The following CLVS1 variants were observed in gnomAD, a reference collection of about 807,000 sequenced individuals.
CLVS1 encodes the protein clavesin 1.
Under a neutral mutation model 33.1 loss-of-function variants are expected in CLVS1, and 10 were observed. The observed-to-expected ratio is 0.30, with a 90% CI of 0.19 to 0.51. CLVS1 has a LOEUF of 0.51. CLVS1 is among the 20% of genes least tolerant of loss of function. The probability of loss-of-function intolerance (pLI) is 0.97; values close to 1 mark genes in which losing one functional copy is unlikely to be tolerated. For synonymous variants in CLVS1, 163 were observed against 166.1 expected (o/e 0.98, Z 0.14); for missense variants, 343 against 433.4 (o/e 0.79, Z 1.85).
intron 2 of CLVS1, among the ~76,000 whole-genome samples, chr8:61,327,483 A>G (rs2129596883): frequency 6.6e-6 from 1 of 152,314 alleles, no homozygotes; most frequent in South Asian, 2.1e-4. Context: ...ACGTCTACAT[A>G]TTATCTACTT....
intron 1 of CLVS1, among the ~76,000 whole-genome samples, chr8:61,109,325 A>T (rs1377326055): frequency 6.6e-6 from 1 of 152,166 alleles, no homozygotes; most frequent in Non-Finnish European, 1.5e-5. Context: ...GTTGGAGCAG[A>T]TGGTGTTGAG....
chr8:61,030,637 G>C, the CLVS1 span, among the ~76,000 whole-genome samples: 5 of 152,180 alleles, frequency 3.3e-5, no homozygotes, highest in African/African-American at 9.7e-5. Context: ...AGTTTGTGCC[G>C]AGAAGGTGGC....
the CLVS1 span, among the ~76,000 whole-genome samples, chr8:61,047,971 C>A: frequency 6.6e-6 from 1 of 152,056 alleles, no homozygotes; most frequent in Non-Finnish European, 1.5e-5. Context: ...ATTCATCATC[C>A]ATTAATGACA....
rs533784613 is a variant in CLVS1 at position 61,439,636 on chromosome 8, A to G, written c.631-14505A>G. Reference sequence around the variant, plus strand: ...CAATTGAGATTATCTTAGTTTCTTCATACTAAAGGATTTCCTACCAGGAAT... The same window carrying G: ...CAATTGAGATTATCTTAGTTTCTTCGTACTAAAGGATTTCCTACCAGGAAT... On this transcript the variant is annotated intron_variant, in intron 3 of 5. Transcript: ENST00000325897. Among the ~76,000 whole-genome samples, 22 of 152,342 alleles carry G rather than the reference A, an allele frequency of 1.4e-4. No individual in the cohort carries two copies. The South Asian group carries it at 2.1e-3, about 14-fold the overall frequency.
chr8:61,199,191 G>T lies in CLVS1; in HGVS notation c.-152+67331G>T, dbSNP rs149287576. ...CTAAGAAAAACTCTTCCAGACATTGGCCTGGGCAAAGGATTTATGACTAAG... is the reference window on the plus strand; with the variant it reads ...CTAAGAAAAACTCTTCCAGACATTGTCCTGGGCAAAGGATTTATGACTAAG... On this transcript the variant is annotated intron_variant, in intron 2 of 2. Transcript: ENST00000522621. Among the ~76,000 whole-genome samples the T allele has an allele frequency of 2.0e-5, 3 of 152,124 alleles. 1 individual carries two copies. In the East Asian group the frequency reaches 5.8e-4, roughly 29 times the overall value.
At chr8:61,275,027 G>C (rs977372788) in intron 2 of CLVS1, among the ~76,000 whole-genome samples, 1 of 152,022 alleles carries the variant, frequency 6.6e-6, no homozygotes, top group Non-Finnish European at 1.5e-5. Context: ...TTGCTCAGAT[G>C]CTGGGAAATT....
chr8:61,350,387 T>G (rs1487068387), intron 2 of CLVS1, among the ~76,000 whole-genome samples: 1 of 152,182 alleles, frequency 6.6e-6, no homozygotes, highest in Non-Finnish European at 1.5e-5. Context: ...AGTGAGCTAT[T>G]TCTCTTACAA....
At chr8:60,987,088 A>G in the CLVS1 span, among the ~76,000 whole-genome samples, 1 of 152,212 alleles carries the variant, frequency 6.6e-6, no homozygotes, top group Non-Finnish European at 1.5e-5. Flanking sequence ...TCTCAGGCAA[A>G]TGACAGTCCA....
intron 2 of CLVS1, among the ~76,000 whole-genome samples, chr8:61,156,577 C>G (rs773431595): frequency 1.3e-5 from 2 of 152,030 alleles, no homozygotes; most frequent in Non-Finnish European, 2.9e-5. Context: ...TGTTTTGTTT[C>G]TTTTTGAGTT....
At chr8:61,337,225 C>G (rs1275589436) in intron 2 of CLVS1, among the ~76,000 whole-genome samples, 1 of 152,146 alleles carries the variant, frequency 6.6e-6, no homozygotes, top group Non-Finnish European at 1.5e-5. Flanking sequence ...TGTTTTAGGG[C>G]AGTCCCAAGC....
the CLVS1 span, among the ~76,000 whole-genome samples, chr8:60,974,322 T>G: frequency 6.6e-6 from 1 of 152,222 alleles, no homozygotes. Flanking sequence ...TGCTCTCATT[T>G]GCCACCCTCC....
the CLVS1 span, among the ~76,000 whole-genome samples, chr8:61,005,105 G>C: frequency 2.6e-5 from 4 of 152,282 alleles, no homozygotes; most frequent in East Asian, 7.7e-4. Context: ...AAAACTGCCC[G>C]ATAGGGGCAT....
chr8:61,126,546 ATAATAT>A (rs1805976396), intron 1 of CLVS1, among the ~76,000 whole-genome samples: 1 of 152,378 alleles, frequency 6.6e-6, no homozygotes, highest in African/African-American at 2.4e-5. Context: ...AATGGAACTG[ATAATAT>A]TAAAGAAGCT....
intron 2 of CLVS1, among the ~76,000 whole-genome samples, chr8:61,246,816 T>A (rs1338924979): frequency 1.3e-5 from 2 of 152,186 alleles, no homozygotes; most frequent in East Asian, 1.9e-4. Flanking sequence ...TTAAAAAAAT[T>A]TATTTTAGGT....
At chr8:61,295,974 A>G (rs1563482326) in intron 1 of CLVS1, among the ~76,000 whole-genome samples, 1 of 152,198 alleles carries the variant, frequency 6.6e-6, no homozygotes, top group Non-Finnish European at 1.5e-5. Context: ...CCACTTCTTC[A>G]TGTTGTACAA....
At position 61,298,746 on chromosome 8, in the gene CLVS1, A is replaced by G. The variant is rs183872513; in HGVS notation, c.-151-931A>G. 3.4e-4 allele frequency among the ~76,000 whole-genome samples: 52 copies of G among 152,344 alleles called. 3 individuals carry two copies. In the East Asian group the frequency reaches 9.8e-3, roughly 29 times the overall value. On this transcript the variant is annotated intron_variant, in intron 1 of 5. Coordinates refer to ENST00000325897, the MANE Select transcript of CLVS1 (RefSeq NM_173519.3). ...AACAGATGTCTGCAAGAGTTTAAGC[A>G]TTTACATTTAAAATAAGATGGAAAC...
rs376370728 is a variant in CLVS1 at position 61,455,025 on chromosome 8, T to C, written c.741+774T>C. On this transcript the variant is annotated intron_variant, in intron 4 of 5. Transcript: ENST00000325897. ...TTTATCTTTACCATTTAGCTCTCTT[T>C]TCTTTTTTTCCCAGTGTTATTAAGG... Among the ~76,000 whole-genome samples the C allele has an allele frequency of 2.0e-5, 3 of 152,218 alleles. No homozygotes were observed. In the East Asian group the frequency reaches 5.8e-4, roughly 29 times the overall value.
At chr8:61,400,244 C>A (rs1814697249) in intron 3 of CLVS1, among the ~76,000 whole-genome samples, 1 of 152,114 alleles carries the variant, frequency 6.6e-6, no homozygotes, top group East Asian at 1.9e-4. Context: ...TGAAGAGGTC[C>A]TTCACTTCCC....
chr8:61,049,111 A>G, the CLVS1 span, among the ~76,000 whole-genome samples: 1 of 152,190 alleles, frequency 6.6e-6, no homozygotes, highest in South Asian at 2.1e-4. Flanking sequence ...CTGAAAGTAA[A>G]CTGTAATGTA....
Sources: gnomAD v4.1 joint callset for allele counts (sites outside exome capture counted in the v4.1 genomes callset) on GRCh38, gnomAD v4.1.1 for gene constraint, MANE v1.5 for transcripts, NCBI Gene and HGNC (gene_info 2026-07-23, HGNC 2026-07-21) for gene names.